DUSP22: variants seen among roughly 807,000 people sequenced by gnomAD.
DUSP22 encodes dual specificity protein phosphatase 22.
Under a neutral mutation model 24.5 loss-of-function variants are expected in DUSP22, and 24 were observed. The observed-to-expected ratio is 0.98, with a 90% confidence interval of 0.71 to 1.38. DUSP22 has a LOEUF of 1.38. DUSP22 is among the 40% of genes most tolerant of loss of function. The pLI is 0.00. For missense variants in DUSP22, 330 were observed against 269.2 expected (o/e 1.23, Z -1.58); for synonymous variants, 160 against 106.4 (o/e 1.50, Z -3.10).
intron 2 of DUSP22, among the ~76,000 whole-genome samples, chr6:307,613 A>G (rs1308763241): frequency 1.3e-5 from 2 of 152,308 alleles, no homozygotes; most frequent in East Asian, 3.8e-4. Context: ...AGCCAGAGAG[A>G]GCAGCCCCTC....
At chr6:293,170 G>C (rs1757173735) in intron 1 of DUSP22, among the ~76,000 whole-genome samples, 2 of 152,286 alleles carry the variant, frequency 1.3e-5, no homozygotes, top group Non-Finnish European at 2.9e-5. Context: ...TGCTTGCGCT[G>C]ATGAGGCCTT....
chr6:327,568 T>C (rs1758938265), intron 3 of DUSP22, among the ~76,000 whole-genome samples: 1 of 152,300 alleles, frequency 6.6e-6, no homozygotes, highest in African/African-American at 2.4e-5. Flanking sequence ...TCGAGGAATC[T>C]GGGGTCTAGT....
intron 3 of DUSP22, 100 bp from the exon 4 acceptor site, chr6:335,014 T>C: frequency 7.4e-7 from 1 of 1,350,090 alleles, no homozygotes; most frequent in Non-Finnish European, 1.0e-6. Context: ...CTCCTTTTTA[T>C]TTTTTTATTT....
intron 1 of DUSP22, among the ~76,000 whole-genome samples, chr6:300,018 A>C (rs1313878051): frequency 6.6e-6 from 1 of 152,308 alleles, no homozygotes; most frequent in Non-Finnish European, 1.5e-5. Flanking sequence ...GAGTTCAAAA[A>C]TATATTTACA....
At chr6:297,045 A>G in intron 1 of DUSP22, among the ~76,000 whole-genome samples, 1 of 152,422 alleles carries the variant, frequency 6.6e-6, no homozygotes, top group African/African-American at 2.4e-5. Context: ...TTCCATGGGG[A>G]GCGCACTGTT....
At chr6:315,767 A>T (rs1314098007) in intron 3 of DUSP22, among the ~76,000 whole-genome samples, 2 of 152,300 alleles carry the variant, frequency 1.3e-5, no homozygotes, top group African/African-American at 4.8e-5. Flanking sequence ...TTACTGATTT[A>T]TTCATTTCTT....
intron 4 of DUSP22, 40 bp downstream of exon 4, chr6:335,203 A>G (rs759398859): frequency 4.4e-5 from 70 of 1,603,226 alleles, no homozygotes; most frequent in African/African-American, 1.3e-5. Context: ...GACATTTAAA[A>G]AAATGAATAG....
intron 1 of DUSP22, among the ~76,000 whole-genome samples, chr6:302,198 CTGTT>C (rs1281137013): frequency 6.6e-6 from 1 of 152,304 alleles, no homozygotes; most frequent in Non-Finnish European, 1.5e-5. Context: ...TGTACCTTTC[CTGTT>C]TTTCATACCA....
intron 2 of DUSP22, among the ~76,000 whole-genome samples, chr6:306,312 C>G (rs1581150192): frequency 6.6e-6 from 1 of 152,306 alleles, no homozygotes; most frequent in Admixed American, 6.5e-5. Context: ...CTTCTGACAA[C>G]AGTATGTGAG....
At chr6:315,518 G>A (rs550818987) in intron 3 of DUSP22, among the ~76,000 whole-genome samples, 36 of 152,408 alleles carry the variant, frequency 2.4e-4, no homozygotes, top group African/African-American at 8.4e-4. Flanking sequence ...CACGACTGAT[G>A]TTTCTGATAT....
intron 3 of DUSP22, among the ~76,000 whole-genome samples, chr6:333,416 A>G (rs1326827621): frequency 1.3e-5 from 2 of 152,306 alleles, no homozygotes; most frequent in African/African-American, 4.8e-5. Flanking sequence ...AAAGCTGGAA[A>G]CAAAATGTAC....
At chr6:320,695 G>A (rs113414669) in intron 3 of DUSP22, among the ~76,000 whole-genome samples, 1,374 of 151,800 alleles carry the variant, frequency 9.1e-3, no homozygotes, top group African/African-American at 0.032. Context: ...GGACTAGTGC[G>A]GTTTGACTCA....
chr6:313,045 A>T (rs1758180134), intron 3 of DUSP22, among the ~76,000 whole-genome samples: 1 of 152,112 alleles, frequency 6.6e-6, no homozygotes, highest in Non-Finnish European at 1.5e-5. Context: ...ACAACAAAAC[A>T]TTTTTTTGGA....
intron 3 of DUSP22, chr6:325,265 C>T (rs1253294387): frequency 1.7e-5 from 4 of 239,542 alleles, no homozygotes; most frequent in African/African-American, 9.5e-5. Flanking sequence ...GAGTCATCTG[C>T]CCTGGGCTTC....
chr6:341,114 G>A (rs1015080620), intron 4 of DUSP22, among the ~76,000 whole-genome samples: 1 of 152,420 alleles, frequency 6.6e-6, no homozygotes, highest in Admixed American at 6.5e-5. Context: ...TGCCCCTGCT[G>A]CAAGGACCGC....
In DUSP22 at chr6:349,129, C is replaced by T; in HGVS notation, c.*178C>T. On this transcript the variant is annotated 3_prime_UTR_variant, in exon 7 of 7. Transcript: ENST00000419235. ...CCTGCTCCAGGCCCCTGCACTCCGC[C>T]CACCCCTACCCTGGCTGCACCTGAG... The T allele has an allele frequency of 2.8e-6, 4 of 1,438,306 alleles. No homozygotes were observed. Among genetic ancestry groups the T allele is most frequent in the Non-Finnish European group, 3.6e-6 (4 of 1,102,544 alleles). 89.1% of individuals were successfully genotyped at this position (1,438,306 alleles called of 1,614,324 possible).
intron 1 of DUSP22, among the ~76,000 whole-genome samples, chr6:300,720 G>A (rs1418591085): frequency 3.4e-4 from 52 of 152,304 alleles, no homozygotes; most frequent in African/African-American, 1.3e-3. Context: ...TGCTGTGCCT[G>A]TGACTTGCCT....
Position 332,233 on chromosome 6 carries a change from T to C in DUSP22, c.139-2881T>C, listed in dbSNP as rs553972721. On this transcript the variant is annotated intron_variant, in intron 3 of 6. Coordinates refer to ENST00000419235, the MANE Select transcript of DUSP22 (RefSeq NM_001286555.3). ...AATCTTGACTCAGGTTTTCTATTTT[T>C]ATCTGTCCTGCCTTAGCAGCAGGTG... Among the ~76,000 whole-genome samples, 122 of 152,362 alleles carry C rather than the reference T, an allele frequency of 8.0e-4. No homozygotes were observed. In the East Asian group the frequency reaches 0.013, roughly 16 times the overall value.
chr6:295,043 A>G (rs950657929), intron 1 of DUSP22, among the ~76,000 whole-genome samples: 2 of 152,414 alleles, frequency 1.3e-5, no homozygotes, highest in African/African-American at 2.4e-5. Flanking sequence ...GAACTTTTCC[A>G]TATATTACTG....
Sources: allele counts gnomAD v4.1 joint callset (sites outside exome capture counted in the v4.1 genomes callset), GRCh38; gene constraint gnomAD v4.1.1; transcripts MANE v1.5; gene names NCBI Gene and HGNC (gene_info 2026-07-23, HGNC 2026-07-21).